PIDD1: variants seen among roughly 807,000 people sequenced by gnomAD.
PIDD1 encodes the protein p53-induced death domain protein 1.
PIDD1 carries 72 observed loss-of-function variants against 80.0 expected under a neutral mutation model. That is an observed-to-expected ratio of 0.90 (90% confidence interval 0.74 to 1.09). The LOEUF (loss-of-function observed/expected upper bound fraction) is 1.09. Ranked by LOEUF, PIDD1 falls within the 50% of genes least tolerant of loss-of-function variation. The pLI is 0.00. For missense variants in PIDD1, 1,329 were observed against 1,228.3 expected (o/e 1.08, Z -1.23); for synonymous variants, 655 against 543.5 (o/e 1.21, Z -2.85).
intron 15 of PIDD1, 81 bp from the exon 16 acceptor site, chr11:799,646 G>C (rs1011780009): frequency 6.8e-7 from 1 of 1,473,386 alleles, no homozygotes; most frequent in South Asian, 1.3e-5. Context: ...GGAGTGTGGG[G>C]GAGTTCCCGG....
chr11:801,410 G>A lies in PIDD1; in HGVS notation c.1482+35C>T, dbSNP rs765625866. 1.6e-5 allele frequency: 26 copies of A among 1,577,100 alleles called. No individual in the cohort carries two copies. In the East Asian group the frequency reaches 1.8e-4, roughly 11 times the overall value. On this transcript the variant is annotated intron_variant, in intron 8 of 15. Transcript: ENST00000347755. ...TGAGCACCTGCCTGTGGGCTGAGGC[G>A]CGGCCTGCCACCCTCAGTGCTGTCC...
chr11:800,522 A>G, intron 12 of PIDD1, 21 bp downstream of exon 12: 1 of 1,609,004 alleles, frequency 6.2e-7, no homozygotes. Context: ...CAGGGCAGGG[A>G]GCATCCACCA....
chr11:800,724 T>C lies in PIDD1; in HGVS notation c.1917+38A>G, dbSNP rs376840660. ...AGCTCTGCACCCCACCCCAGCCCTC[T>C]GGTCACCACCCTGCTGCCCTCCGGC... is the stretch of plus-strand genomic sequence containing the variant. On this transcript the variant is annotated intron_variant, in intron 11 of 15. Coordinates refer to ENST00000347755, the MANE Select transcript of PIDD1 (RefSeq NM_145886.4). The C allele has an allele frequency of 9.0e-5, 139 of 1,547,050 alleles. 2 individuals are homozygous for C. The highest frequency in any genetic ancestry group is 1.3e-4 in the Admixed American group (7 of 52,358).
chr11:800,347 C>A lies in PIDD1; in HGVS notation c.2146G>T (p.Ala716Ser), dbSNP rs777309692. ...CCCTCGCCCACCTGGCCCCGCACAG[C>A]CTGAGCCTCCCGGTCCAGAGTGGTG... ...VTTTLDREAQ[A>S]VRGQVSFYRG... The change falls in exon 13 of 16, where the codon GCT (alanine) becomes TCT (serine). Residue 716 changes from alanine (A) to serine (S), a missense_variant. By Grantham distance (99) the Ala-to-Ser change is moderately conservative. Transcript: ENST00000347755. 2 of 1,612,636 alleles carry A rather than the reference C, an allele frequency of 1.2e-6. No individual in the cohort carries two copies. Among genetic ancestry groups the A allele is most frequent in the African/African-American group, 2.7e-5 (2 of 74,878 alleles).
intron 5 of PIDD1, 28 bp downstream of exon 5, chr11:802,515 C>T: frequency 3.1e-6 from 5 of 1,611,416 alleles, no homozygotes; most frequent in Non-Finnish European, 4.2e-6. Context: ...GACAGACTCC[C>T]CTCCAGCCCC....
chr11:809,234 C>T (rs1865932776), upstream of PIDD1, among the ~76,000 whole-genome samples: 1 of 152,234 alleles, frequency 6.6e-6, no homozygotes, highest in Non-Finnish European at 1.5e-5. Flanking sequence ...GCGGCCAGCG[C>T]AGGGGCTGAC....
upstream of PIDD1, among the ~76,000 whole-genome samples, chr11:807,284 G>A (rs962726499): frequency 6.6e-6 from 1 of 150,618 alleles, no homozygotes; most frequent in Admixed American, 6.6e-5. Context: ...TCAGGAGATC[G>A]AGACCATCCT....
upstream of PIDD1, chr11:809,357 G>A: frequency 6.6e-6 from 1 of 152,248 alleles, no homozygotes; most frequent in Admixed American, 6.5e-5. Flanking sequence ...ACCGCAGTGC[G>A]GGGGCGGCCT....
upstream of PIDD1, chr11:809,263 C>T (rs1464478295): frequency 9.2e-5 from 14 of 152,294 alleles, no homozygotes; most frequent in Admixed American, 9.2e-4. Context: ...CCTCACTCCT[C>T]GCAGGGGTGA....
intron 2 of PIDD1, 167 bp downstream of exon 2, chr11:803,927 G>A: frequency 1.3e-6 from 1 of 779,616 alleles, no homozygotes; most frequent in Non-Finnish European, 2.0e-6. Context: ...GATCACCGAG[G>A]ATGGCGATGG....
At chr11:802,494 A>G (rs780836604) in intron 5 of PIDD1, 49 bp downstream of exon 5, 2 of 1,603,312 alleles carry the variant, frequency 1.2e-6, no homozygotes, top group Admixed American at 3.3e-5. Context: ...GAGGGGCCAG[A>G]GTGACAGGCA....
Position 801,992 on chromosome 11 carries a change from C to CT in PIDD1, c.1274dup (p.Thr426AspfsTer61), listed in dbSNP as rs1291137858. 2.1e-5 allele frequency: 33 copies of CT among 1,604,016 alleles called. No homozygotes were observed. Among genetic ancestry groups the CT allele is most frequent in the Non-Finnish European group, 2.8e-5 (33 of 1,175,942 alleles). ...GGGGTGCCTCTTCCTCCAGGTAGGT[C>CT]TCCAGGTCACCCCAGCTGTTGTCAT... On this transcript the variant is annotated frameshift_variant, in exon 7 of 16. Transcript: ENST00000347755. LOFTEE classifies it high-confidence loss of function.
chr11:802,459 C>T (rs1865437704), intron 5 of PIDD1, 63 bp from the exon 6 acceptor site: 1 of 1,597,510 alleles, frequency 6.3e-7, no homozygotes, highest in African/African-American at 1.3e-5. Flanking sequence ...GGAGCCTGGA[C>T]CCAGGAACTC....
chr11:800,737 G>A, intron 11 of PIDD1, 25 bp downstream of exon 11: 6 of 1,545,376 alleles, frequency 3.9e-6, no homozygotes, highest in Non-Finnish European at 5.2e-6. Context: ...TCACCACCCT[G>A]CTGCCCTCCG....
intron 7 of PIDD1, 107 bp downstream of exon 7, chr11:801,858 G>A: frequency 7.0e-7 from 1 of 1,428,324 alleles, no homozygotes; most frequent in Non-Finnish European, 9.6e-7. Context: ...CAGGATCCAG[G>A]AGGGACGGGG....
Position 803,407 on chromosome 11 carries a change from C to T in PIDD1, c.476G>A (p.Cys159Tyr), listed in dbSNP as rs757910848. The T allele has an allele frequency of 6.2e-7, 1 of 1,613,836 alleles. No homozygotes were observed. The highest frequency in any genetic ancestry group is 2.2e-5 in the East Asian group (1 of 44,892). Residue 159 changes from cysteine (C) to tyrosine (Y), a missense_variant, in exon 3 of 16, where the codon TGC (cysteine) becomes TAC (tyrosine). Physicochemically the swap from Cys to Tyr is radical, Grantham distance 194. Transcript: ENST00000347755. ...GLGALLLSHNCLSELPEALGA... is the reference protein window; with the variant it reads ...GLGALLLSHNYLSELPEALGA... ...CAGAGCCTCAGGCAGCTCAGAGAGG[C>T]AGTTGTGAGACAGCAAGAGCGCACC...
rs746438142 is a variant in PIDD1, at chr11:801,962, C to T, written c.1302+3G>A. Reference sequence around the variant, plus strand: ...GCCACCGGCAGGCCTGGGTGGCCCTCACCTGGGGTGCCTCTTCCTCCAGGT... The same window carrying T: ...GCCACCGGCAGGCCTGGGTGGCCCTTACCTGGGGTGCCTCTTCCTCCAGGT... On this transcript the variant is annotated splice_donor_region_variant and intron_variant, in intron 7 of 15. Coordinates refer to ENST00000347755, the MANE Select transcript of PIDD1 (RefSeq NM_145886.4). 1.3e-6 allele frequency: 2 copies of T among 1,597,986 alleles called. No homozygotes were observed. The highest frequency in any genetic ancestry group is 1.7e-6 in the Non-Finnish European group (2 of 1,173,002).
intron 2 of PIDD1, 63 bp from the exon 3 acceptor site, chr11:803,650 G>A: frequency 1.3e-6 from 2 of 1,538,098 alleles, no homozygotes; most frequent in Non-Finnish European, 1.8e-6. Context: ...GATCGACCCT[G>A]CCAGCCAGAG....
chr11:801,554 G>C lies in PIDD1; in HGVS notation c.1373C>G (p.Ala458Gly), dbSNP rs1432662361. Residue 458 changes from alanine (A) to glycine (G), a missense_variant, in exon 8 of 16, where the codon GCC becomes GGC. Transcript: ENST00000347755. ...TGTCCCCTCCGGTGGCACCAGGCAG[G>C]CATTGGACACAGGGCGGGAAACCAC... ...FLVVSRPVSN[A>G]CLVPPEGTLL... The C allele has an allele frequency of 9.6e-6, 15 of 1,569,050 alleles. No homozygotes were observed. Among genetic ancestry groups the C allele is most frequent in the Non-Finnish European group, 1.2e-5 (14 of 1,157,064 alleles).
Sources: gnomAD v4.1 joint callset for allele counts (sites outside exome capture counted in the v4.1 genomes callset) on GRCh38, gnomAD v4.1.1 for gene constraint, MANE v1.5 for transcripts, NCBI Gene and HGNC (gene_info 2026-07-23, HGNC 2026-07-21) for gene names.